TAB2: variants seen among roughly 807,000 people sequenced by gnomAD.
TAB2 encodes TGF-beta activated kinase 1 (MAP3K7) binding protein 2.
In TAB2, 3 loss-of-function variants were observed where a neutral mutation model predicts 65.0. The ratio of observed to expected loss-of-function variants is 0.05; its 90% CI spans 0.02 to 0.12. TAB2 has a LOEUF of 0.12. Ranked by LOEUF, TAB2 falls within the 10% of genes least tolerant of loss-of-function variation. The pLI is 1.00. For missense variants in TAB2, 623 were observed against 840.3 expected (o/e 0.74, Z 3.20); for synonymous variants, 298 against 285.1 (o/e 1.05, Z -0.46).
At chr6:149,224,528 G>A (rs1226468435) in intron 1 of TAB2, among the ~76,000 whole-genome samples, 1 of 152,154 alleles carries the variant, frequency 6.6e-6, no homozygotes, top group Non-Finnish European at 1.5e-5. Flanking sequence ...TTGGCTCCTG[G>A]TAATCCTTGG....
At position 149,397,613 on chromosome 6, in the gene TAB2, T is replaced by C; in HGVS notation, c.1613T>C (p.Val538Ala). The C allele has an allele frequency of 1.9e-6, 3 of 1,614,054 alleles. No individual in the cohort carries two copies. Among genetic ancestry groups the C allele is most frequent in the Non-Finnish European group, 2.5e-6 (3 of 1,179,966 alleles). The change falls in exon 4 of 7, where the codon GTA becomes GCA. Residue 538 changes from valine (V) to alanine (A), a missense_variant. Coordinates refer to ENST00000637181, the MANE Select transcript of TAB2 (RefSeq NM_001292034.3). ...CTAATGTGTGTTGCAGCTCTTTTGG[T>C]ACACCAGAAGGCCAGAATGGAACGA... ...DDAAYTQALLVHQKARMERLQ... is the reference protein window; with the variant it reads ...DDAAYTQALLAHQKARMERLQ...
chr6:149,253,244 C>T (rs1777896609), intron 1 of TAB2: 1 of 152,244 alleles, frequency 6.6e-6, no homozygotes, highest in African/African-American at 2.4e-5. Flanking sequence ...CTGGAGTCTT[C>T]AGGATAAATT....
chr6:149,275,139 T>TTTTTTTTTTA (rs56122402), intron 1 of TAB2, among the ~76,000 whole-genome samples: 11 of 113,470 alleles, frequency 9.7e-5, no homozygotes, highest in Admixed American at 1.9e-4. Flanking sequence ...TTTTTTTTTT[T>TTTTTTTTTTA]TTTTGAGTTG....
intron 1 of TAB2, among the ~76,000 whole-genome samples, chr6:149,296,941 G>A (rs899045718): frequency 2.6e-5 from 4 of 151,510 alleles, no homozygotes; most frequent in Admixed American, 6.6e-5. Flanking sequence ...TTTTTATTTC[G>A]AAAAATTTTA....
Position 149,358,142 on chromosome 6 carries a change from C to G in TAB2, c.-89-11767C>G, listed in dbSNP as rs1780728870. Among the ~76,000 whole-genome samples the G allele has an allele frequency of 2.0e-5, 3 of 152,106 alleles. No homozygotes were observed. The South Asian group carries it at 6.2e-4, about 32-fold the overall frequency. On this transcript the variant is annotated intron_variant, in intron 1 of 6. Coordinates refer to ENST00000637181, the MANE Select transcript of TAB2 (RefSeq NM_001292034.3). ...ATGTGTGTATATAAGTTGAGTATCC[C>G]TTATTAGAAATGCTTGGGACCAAAA...
intron 1 of TAB2, among the ~76,000 whole-genome samples, chr6:149,236,983 A>G (rs1023945393): frequency 2.6e-5 from 4 of 152,224 alleles, no homozygotes; most frequent in African/African-American, 9.7e-5. Context: ...CAAATCATTT[A>G]TCTTCCCAAC....
chr6:149,316,652 T>C (rs1252928871), upstream of TAB2, among the ~76,000 whole-genome samples: 2 of 152,038 alleles, frequency 1.3e-5, no homozygotes, highest in East Asian at 1.9e-4. Context: ...AGGGGGACAC[T>C]AAACAAATAT....
intron 1 of TAB2, chr6:149,318,867 T>C (rs1395414716): frequency 6.6e-6 from 1 of 152,214 alleles, no homozygotes; most frequent in Non-Finnish European, 1.5e-5. Flanking sequence ...TCAAGTCAGC[T>C]TAATTGTTGT....
At chr6:149,310,144 G>T (rs1027528941) in intron 1 of TAB2, among the ~76,000 whole-genome samples, 1 of 152,012 alleles carries the variant, frequency 6.6e-6, no homozygotes, top group East Asian at 1.9e-4. Context: ...GAACAGTCTG[G>T]GCAATATGGT....
chr6:149,220,785 T>A (rs2114620299), intron 1 of TAB2: 1 of 152,188 alleles, frequency 6.6e-6, no homozygotes, highest in South Asian at 2.1e-4. Context: ...CCCGGCTAAT[T>A]TTTGCATTTT....
At chr6:149,299,125 G>C (rs632002) in intron 1 of TAB2, among the ~76,000 whole-genome samples, 78,685 of 152,116 alleles carry the variant, frequency 0.52, 23,077 homozygotes, top group African/African-American at 0.81. Flanking sequence ...GAAAGTATTA[G>C]AGTGGAAGAG....
Position 149,397,788 on chromosome 6 carries a change from G to T in TAB2, c.1764+24G>T. 1.9e-6 allele frequency: 3 copies of T among 1,611,636 alleles called. No homozygotes were observed. The South Asian group carries it at 3.3e-5, about 18-fold the overall frequency. Reference sequence around the variant, plus strand: ...CCGTAAGTCTTTATGTAACTGTTGTGATCTCTGCTTGAACATGAGAGTAGG... The same window carrying T: ...CCGTAAGTCTTTATGTAACTGTTGTTATCTCTGCTTGAACATGAGAGTAGG... On this transcript the variant is annotated intron_variant, in intron 4 of 6. Coordinates refer to ENST00000637181, the MANE Select transcript of TAB2 (RefSeq NM_001292034.3).
chr6:149,319,996 C>T (rs546294675), intron 1 of TAB2, among the ~76,000 whole-genome samples: 1 of 152,158 alleles, frequency 6.6e-6, no homozygotes, highest in Non-Finnish European at 1.5e-5. Flanking sequence ...TATGCTTGGT[C>T]CTCTAGTGGA....
chr6:149,343,187 A>G (rs542819150), intron 1 of TAB2, among the ~76,000 whole-genome samples: 2 of 152,354 alleles, frequency 1.3e-5, no homozygotes, highest in South Asian at 4.1e-4. Context: ...TACAAGCAGT[A>G]TAGGGAATTC....
chr6:149,341,557 T>G (rs779482291), intron 1 of TAB2, among the ~76,000 whole-genome samples: 1 of 152,194 alleles, frequency 6.6e-6, no homozygotes, highest in Non-Finnish European at 1.5e-5. Context: ...GGTAGTGATA[T>G]TCCATTTAAT....
intron 1 of TAB2, among the ~76,000 whole-genome samples, chr6:149,307,709 A>G (rs1243326544): frequency 6.6e-6 from 1 of 152,234 alleles, no homozygotes; most frequent in African/African-American, 2.4e-5. Context: ...GCTTTGGTTA[A>G]ACCAAAGTTA....
chr6:149,384,831 C>T (rs942460625), intron 3 of TAB2, among the ~76,000 whole-genome samples: 1 of 151,896 alleles, frequency 6.6e-6, no homozygotes, highest in Non-Finnish European at 1.5e-5. Context: ...AGAAAAAGGC[C>T]TACTTTCTTA....
At position 149,386,773 on chromosome 6, in the gene TAB2, A is replaced by G. The variant is rs1170583372; in HGVS notation, c.1603+7255A>G. 2.6e-5 allele frequency among the ~76,000 whole-genome samples: 4 copies of G among 152,108 alleles called. 1 individual carries two copies. Among genetic ancestry groups the G allele is most frequent in the Non-Finnish European group, 5.9e-5 (4 of 68,024 alleles). The stretch of plus-strand genomic sequence containing the variant: ...GGGTTTTCATTTCTCCCCATTTTCA[A>G]CAACGCTTTTATCTGACTTTGTGTT... On this transcript the variant is annotated intron_variant, in intron 3 of 6. Transcript: ENST00000637181.
intron 1 of TAB2, among the ~76,000 whole-genome samples, chr6:149,334,277 G>A (rs776726271): frequency 4.6e-5 from 7 of 151,978 alleles, no homozygotes; most frequent in Admixed American, 3.9e-4. Flanking sequence ...ACCTTCTGCT[G>A]AAACTCACTA....
Sources: gnomAD v4.1 joint callset for allele counts (sites outside exome capture counted in the v4.1 genomes callset) on GRCh38, gnomAD v4.1.1 for gene constraint, MANE v1.5 for transcripts, NCBI Gene and HGNC (gene_info 2026-07-23, HGNC 2026-07-21) for gene names.